The following CTPS1 variants were observed in gnomAD, a reference collection of about 807,000 sequenced individuals.
CTPS1 encodes CTP synthase 1.
A neutral mutation model predicts 80.5 loss-of-function variants in CTPS1; 25 were observed. The ratio of observed to expected loss-of-function variants is 0.31; its 90% CI spans 0.23 to 0.43. CTPS1 has a LOEUF of 0.43. Among genes scored for constraint, CTPS1 ranks in the 20% least tolerant of loss-of-function variants. The pLI is 1.00. For missense variants in CTPS1, 442 were observed against 725.7 expected (o/e 0.61, Z 4.49); for synonymous variants, 267 against 252.5 (o/e 1.06, Z -0.54).
At chr1:40,989,618 A>G (rs1242007656) in intron 5 of CTPS1, among the ~76,000 whole-genome samples, 4 of 152,176 alleles carry the variant, frequency 2.6e-5, no homozygotes. Flanking sequence ...TGGAGAAAGC[A>G]TCTGATAGGT....
At chr1:40,981,993 A>T (rs1348052702) in intron 1 of CTPS1, 1 of 1,289,054 alleles carries the variant, frequency 7.8e-7, no homozygotes, top group Non-Finnish European at 1.0e-6. Flanking sequence ...GACCATGCCA[A>T]AGTAAGCATT....
At chr1:41,009,904 T>C (rs1220857112) in intron 17 of CTPS1, among the ~76,000 whole-genome samples, 1 of 152,236 alleles carries the variant, frequency 6.6e-6, no homozygotes, top group Non-Finnish European at 1.5e-5. Flanking sequence ...TATGTCCCAT[T>C]GCCACCTTTA....
intron 2 of CTPS1, among the ~76,000 whole-genome samples, chr1:40,983,775 A>G (rs1642379352): frequency 1.3e-5 from 2 of 152,090 alleles, no homozygotes; most frequent in African/African-American, 4.8e-5. Flanking sequence ...GGTGTAAATC[A>G]CCATGCCTGG....
chr1:40,987,574 C>A, intron 4 of CTPS1, 102 bp downstream of exon 4: 1 of 835,724 alleles, frequency 1.2e-6, no homozygotes, highest in East Asian at 2.7e-5. Context: ...GCCTTCCTAT[C>A]TCTGGTGCAG....
At chr1:41,003,912 G>T (rs946562956) in intron 12 of CTPS1, 2 of 152,268 alleles carry the variant, frequency 1.3e-5, no homozygotes, top group African/African-American at 4.8e-5. Context: ...GGCCCAGCCG[G>T]GACGTCAAGA....
chr1:40,983,295 A>C lies in CTPS1; in HGVS notation c.5A>C (p.Lys2Thr). M[K>T]YILVTGGVIS... ...TCTTCCAGGTCAAAGAGTAAAATGA[A>C]GTACATTCTGGTTACTGGTGGTGTT... The change falls in exon 2 of 19, where the codon AAG (lysine) becomes ACG (threonine). Residue 2 changes from lysine to threonine, a missense_variant. Coordinates refer to ENST00000650070, the MANE Select transcript of CTPS1 (RefSeq NM_001905.4). The C allele has an allele frequency of 6.2e-7, 1 of 1,612,894 alleles. No homozygotes were observed. Among genetic ancestry groups the C allele is most frequent in the South Asian group, 1.1e-5 (1 of 90,956 alleles).
At chr1:40,983,639 T>C (rs1054660096) in intron 2 of CTPS1, among the ~76,000 whole-genome samples, 183 bp downstream of exon 2, 1 of 151,850 alleles carries the variant, frequency 6.6e-6, no homozygotes, top group African/African-American at 2.4e-5. Flanking sequence ...TTTTTTTTCT[T>C]TGAGACAGGA....
chr1:41,000,421 T>G (rs932311460), intron 9 of CTPS1, among the ~76,000 whole-genome samples: 2 of 151,606 alleles, frequency 1.3e-5, no homozygotes, highest in African/African-American at 4.8e-5. Context: ...TTTTTTTTTT[T>G]TTTGTATTTT....
chr1:40,982,259 C>T (rs1642329663), intron 1 of CTPS1, among the ~76,000 whole-genome samples: 1 of 152,176 alleles, frequency 6.6e-6, no homozygotes, highest in African/African-American at 2.4e-5. Flanking sequence ...TTTGAGTCCT[C>T]TGCCCGTCAT....
intron 9 of CTPS1, among the ~76,000 whole-genome samples, chr1:40,999,042 C>T (rs942575948): frequency 1.3e-5 from 2 of 152,142 alleles, no homozygotes; most frequent in African/African-American, 2.4e-5. Context: ...CAACGGTCTC[C>T]GCCTTTAAGG....
At chr1:40,992,992 A>G (rs1642654815) in intron 7 of CTPS1, among the ~76,000 whole-genome samples, 1 of 150,330 alleles carries the variant, frequency 6.7e-6, no homozygotes, top group Admixed American at 6.6e-5. Context: ...GCCCGGCCTT[A>G]AAAATATTCA....
At chr1:41,011,265 CCT>C (rs1419257551) in intron 18 of CTPS1, among the ~76,000 whole-genome samples, 1 of 152,192 alleles carries the variant, frequency 6.6e-6, no homozygotes, top group Non-Finnish European at 1.5e-5. Context: ...TCATTAATCC[CCT>C]GACCAGGGAG....
At position 41,007,347 on chromosome 1, in the gene CTPS1, T is replaced by C; in HGVS notation, c.1297-102T>C. The C allele has an allele frequency of 1.1e-6, 1 of 924,194 alleles. No individual in the cohort carries two copies. Among genetic ancestry groups the C allele is most frequent in the Non-Finnish European group, 1.7e-6 (1 of 586,474 alleles). 57.2% of individuals were successfully genotyped at this position (924,194 alleles called of 1,614,324 possible). ...GTCTCATAAGGAAAGCCTGGAGAAT[T>C]AGAGCTTACTTACAAGCCTTTGCCA... On this transcript the variant is annotated intron_variant, in intron 13 of 18. Transcript: ENST00000650070. The surrounding 1 kb of genome is among the most constrained non-coding windows in gnomAD (Gnocchi z 4.4).
chr1:40,986,894 C>G (rs1299698258), intron 3 of CTPS1, among the ~76,000 whole-genome samples: 1 of 152,150 alleles, frequency 6.6e-6, no homozygotes, highest in Non-Finnish European at 1.5e-5. Flanking sequence ...CATTCTGACC[C>G]CGGGTGCTGT....
chr1:40,990,679 A>T (rs1414761885), intron 5 of CTPS1, among the ~76,000 whole-genome samples: 2 of 152,208 alleles, frequency 1.3e-5, no homozygotes, highest in African/African-American at 2.4e-5. Flanking sequence ...GTCCATGTGT[A>T]ACGTGTATCT....
chr1:40,997,359 G>T, intron 8 of CTPS1, 35 bp from the exon 9 acceptor site: 1 of 1,604,444 alleles, frequency 6.2e-7, no homozygotes, highest in South Asian at 1.1e-5. Flanking sequence ...TGTACCTTCT[G>T]AGTAATTGGG....
intron 7 of CTPS1, among the ~76,000 whole-genome samples, chr1:40,995,396 G>GTT (rs1240457710): frequency 1.2e-4 from 16 of 131,468 alleles, no homozygotes; most frequent in South Asian, 2.5e-4. Flanking sequence ...TTTTTTGGGT[G>GTT]TTTTTTTTTT....
intron 8 of CTPS1, among the ~76,000 whole-genome samples, chr1:40,996,737 T>C (rs938262534): frequency 6.6e-6 from 1 of 152,236 alleles, no homozygotes; most frequent in African/African-American, 2.4e-5. Context: ...TACATATAGC[T>C]ATCAGAATGG....
At chr1:40,987,238 A>C in intron 3 of CTPS1, 134 bp from the exon 4 acceptor site, 1 of 661,492 alleles carries the variant, frequency 1.5e-6, no homozygotes, top group Non-Finnish European at 2.7e-6. Context: ...AGGGGGCCTC[A>C]AAAGTATTTT....
Sources: allele counts gnomAD v4.1 joint callset (sites outside exome capture counted in the v4.1 genomes callset), GRCh38; gene constraint gnomAD v4.1.1; non-coding constraint Gnocchi (gnomAD v3.1); transcripts MANE v1.5; gene names NCBI Gene and HGNC (gene_info 2026-07-23, HGNC 2026-07-21).